The following CUX1 variants were observed in gnomAD, a reference collection of about 807,000 sequenced individuals.
CUX1 encodes the protein protein CASP.
In CUX1, 31 loss-of-function variants were observed where a neutral mutation model predicts 158.8. The ratio of observed to expected loss-of-function variants is 0.20; its 90% CI spans 0.15 to 0.26. The LOEUF (loss-of-function observed/expected upper bound fraction) is 0.26, where lower values mean the gene tolerates loss of function less well. Ranked by LOEUF, CUX1 falls within the 10% of genes least tolerant of loss-of-function variation. The pLI is 1.00. For missense variants in CUX1, 1,589 were observed against 2,014.6 expected (o/e 0.79, Z 4.04); for synonymous variants, 879 against 862.1 (o/e 1.02, Z -0.34).
At chr7:102,018,224 GT>G (rs780124153) in intron 2 of CUX1, among the ~76,000 whole-genome samples, 5 of 152,176 alleles carry the variant, frequency 3.3e-5, no homozygotes, top group African/African-American at 7.2e-5. Flanking sequence ...GCCTCCCAAC[GT>G]GCAGGGATTA....
intron 2 of CUX1, among the ~76,000 whole-genome samples, chr7:102,003,355 G>C (rs1024064434): frequency 2.1e-5 from 3 of 141,754 alleles, no homozygotes; most frequent in Non-Finnish European, 3.1e-5. Context: ...CCGCTCCACT[G>C]TTCTGTTGTC....
At chr7:102,162,525 C>T (rs542918458) in intron 9 of CUX1, among the ~76,000 whole-genome samples, 1 of 152,184 alleles carries the variant, frequency 6.6e-6, no homozygotes, top group African/African-American at 2.4e-5. Flanking sequence ...GATTCTCCTG[C>T]CTCAGCCTCC....
chr7:102,280,237 A>C (rs1328547446), intron 19 of CUX1: 12 of 660,398 alleles, frequency 1.8e-5, no homozygotes, highest in Non-Finnish European at 2.6e-5. Flanking sequence ...GCTCCCCTCC[A>C]CCTGCCCTTG....
chr7:101,908,013 A>C (rs753719844), intron 1 of CUX1, among the ~76,000 whole-genome samples: 2 of 152,178 alleles, frequency 1.3e-5, no homozygotes, highest in Non-Finnish European at 2.9e-5. Flanking sequence ...TTACGTGCTT[A>C]AAATACCAAA....
At chr7:102,244,793 G>A (rs569076454) in intron 23 of CUX1, among the ~76,000 whole-genome samples, 2 of 152,240 alleles carry the variant, frequency 1.3e-5, no homozygotes, top group East Asian at 3.9e-4. Context: ...GGAAAAACAG[G>A]TCCACCCAGT....
intron 1 of CUX1, among the ~76,000 whole-genome samples, chr7:101,876,970 C>T (rs1451920839): frequency 2.6e-5 from 4 of 152,134 alleles, no homozygotes; most frequent in East Asian, 1.9e-4. Flanking sequence ...CTCTGCACCA[C>T]GTTGGGATGG....
In CUX1 at chr7:101,835,829, G is replaced by A. The variant is rs551465465; in HGVS notation, c.30+18160G>A. On this transcript the variant is annotated intron_variant, in intron 1 of 23. Transcript: ENST00000292535. ...TGGCTCACTGCAATCTCCATCTCCC[G>A]GGTTCAAGCGATTCTCCTGCCTCAG... 3.2e-4 allele frequency among the ~76,000 whole-genome samples: 49 copies of A among 152,258 alleles called. No individual in the cohort carries two copies. The South Asian group carries it at 1.0e-2, about 31-fold the overall frequency.
chr7:102,236,682 A>G (rs1392037576), intron 22 of CUX1, among the ~76,000 whole-genome samples: 1 of 152,158 alleles, frequency 6.6e-6, no homozygotes, highest in Admixed American at 6.5e-5. Context: ...CCCTCACCCG[A>G]GCAGCGTGAA....
chr7:102,021,527 C>T (rs909433788), intron 2 of CUX1, among the ~76,000 whole-genome samples: 3 of 151,870 alleles, frequency 2.0e-5, no homozygotes, highest in South Asian at 4.2e-4. Context: ...AAGCTGGTCC[C>T]GAATGCCTGG....
At chr7:102,168,291 T>C (rs1223596392) in intron 9 of CUX1, among the ~76,000 whole-genome samples, 3 of 151,878 alleles carry the variant, frequency 2.0e-5, no homozygotes, top group African/African-American at 4.8e-5. Context: ...TTCCAAGAGC[T>C]CCTGGAGAGG....
At chr7:101,996,981 G>A (rs184101605) in intron 2 of CUX1, among the ~76,000 whole-genome samples, 8 of 151,712 alleles carry the variant, frequency 5.3e-5, no homozygotes, top group Admixed American at 2.0e-4. Flanking sequence ...CCCTGCGCTC[G>A]TGTGCACTCC....
At chr7:102,242,205 C>CT (rs67514665) in intron 23 of CUX1, among the ~76,000 whole-genome samples, 1,654 of 93,008 alleles carry the variant, frequency 0.018, 46 homozygotes, top group African/African-American at 0.04. Context: ...TTCTTTCTTT[C>CT]TTTTTTTTTT....
At chr7:101,840,840 A>C (rs995087121) in intron 1 of CUX1, among the ~76,000 whole-genome samples, 1 of 151,328 alleles carries the variant, frequency 6.6e-6, no homozygotes, top group Non-Finnish European at 1.5e-5. Flanking sequence ...TTAACATTTC[A>C]CTTTTTTTGT....
At chr7:101,861,713 G>A (rs1378630810) in intron 1 of CUX1, among the ~76,000 whole-genome samples, 1 of 152,136 alleles carries the variant, frequency 6.6e-6, no homozygotes, top group Admixed American at 6.5e-5. Flanking sequence ...AGGCTGGCTG[G>A]TAGCCATGTG....
Position 102,234,063 on chromosome 7 carries a change from T to C in CUX1, c.3445T>C (p.Phe1149Leu). The change falls in exon 22 of 24, where the codon TTT (phenylalanine) becomes CTT (leucine). Residue 1149 changes from phenylalanine (F) to leucine (L), a missense_variant. This residue lies in a region of CUX1 where 259 missense variants were observed against 373.8 expected (regional missense o/e 0.69). Coordinates refer to ENST00000292535, the MANE Select transcript of CUX1 (RefSeq NM_181552.4). ...LTDNNLGQRL[F>L]GETILGLTQG... ...TGTTTTCTCTCTAGGCCAGCGCTTA[T>C]TTGGGGAGACCATCTTAGGGCTCAC... is the stretch of plus-strand genomic sequence containing the variant. 6.5e-7 allele frequency: 1 copy of C among 1,539,544 alleles called. No individual in the cohort carries two copies. The highest frequency in any genetic ancestry group is 8.7e-7 in the Non-Finnish European group (1 of 1,146,390).
At chr7:102,093,812 T>C (rs1377859784) in intron 4 of CUX1, among the ~76,000 whole-genome samples, 6 of 152,162 alleles carry the variant, frequency 3.9e-5, no homozygotes, top group Non-Finnish European at 7.4e-5. Context: ...TCGCATTGGG[T>C]GGGCGGAGCT....
rs983272414 is a variant in CUX1 at position 102,178,531 on chromosome 7, G to A, written c.891G>A (p.Arg297=). Residue 297 remains arginine (R), a synonymous_variant, in exon 11 of 24, where the codon CGG becomes CGA. Transcript: ENST00000292535. ...AAGTTGAGTTGGCCGCCAAGGAGCG[G>A]GAGATCGCACAGCTGGTGGAGGACG... The part of the protein sequence containing the change: ...SLEVELAAKE[R]EIAQLVEDVQ... 9 of 1,613,478 alleles carry A rather than the reference G, an allele frequency of 5.6e-6. No homozygotes were observed. In the African/African-American group the frequency reaches 9.3e-5, roughly 17 times the overall value.
At chr7:101,990,706 A>G (rs1302610335) in intron 2 of CUX1, among the ~76,000 whole-genome samples, 1 of 152,176 alleles carries the variant, frequency 6.6e-6, no homozygotes, top group Non-Finnish European at 1.5e-5. Flanking sequence ...ACAAAAAAGT[A>G]CATGGGATAA....
At chr7:101,839,415 A>G (rs1057048786) in intron 1 of CUX1, among the ~76,000 whole-genome samples, 1 of 151,772 alleles carries the variant, frequency 6.6e-6, no homozygotes, top group Non-Finnish European at 1.5e-5. Context: ...TTCACGAAGC[A>G]CCTCCAGATC....
Sources: allele counts gnomAD v4.1 joint callset (sites outside exome capture counted in the v4.1 genomes callset), GRCh38; gene constraint gnomAD v4.1.1; regional missense constraint gnomAD v4.1.1; transcripts MANE v1.5; gene names NCBI Gene and HGNC (gene_info 2026-07-23, HGNC 2026-07-21).